The following AKAP19 variants were observed in gnomAD, a reference collection of about 807,000 sequenced individuals.
The protein encoded by AKAP19 is small A-kinase anchoring protein.
the AKAP19 span, among the ~76,000 whole-genome samples, chr2:189,918,901 TA>T: frequency 6.6e-6 from 1 of 152,192 alleles, no homozygotes; most frequent in Non-Finnish European, 1.5e-5. Flanking sequence ...AACCCAGGTA[TA>T]AATATCACAA....
chr2:190,084,094 T>TTG, the AKAP19 span, among the ~76,000 whole-genome samples: 3 of 149,982 alleles, frequency 2.0e-5, no homozygotes, highest in East Asian at 1.9e-4. Flanking sequence ...GCTCAGGTTT[T>TTG]TTTTTTTTTT....
chr2:190,045,213 C>T, the AKAP19 span, among the ~76,000 whole-genome samples: 1 of 152,294 alleles, frequency 6.6e-6, no homozygotes, highest in Non-Finnish European at 1.5e-5. Context: ...GATCTGGACC[C>T]GCTTAAAGAA....
chr2:190,075,082 G>A, the AKAP19 span, among the ~76,000 whole-genome samples: 1 of 152,074 alleles, frequency 6.6e-6, no homozygotes, highest in African/African-American at 2.4e-5. Context: ...ATTCCAACAT[G>A]GCAAAGAAAA....
At chr2:190,136,066 T>C in the AKAP19 span, among the ~76,000 whole-genome samples, 1 of 152,190 alleles carries the variant, frequency 6.6e-6, no homozygotes, top group Non-Finnish European at 1.5e-5. Flanking sequence ...TTATTTGGTG[T>C]CTTCCTTCTA....
the AKAP19 span, among the ~76,000 whole-genome samples, chr2:190,098,809 T>G: frequency 1.3e-5 from 2 of 152,232 alleles, no homozygotes; most frequent in Non-Finnish European, 2.9e-5. Flanking sequence ...TGGCTAGATC[T>G]TCTGGCTAAC....
At chr2:190,178,004 TG>T in the AKAP19 span, among the ~76,000 whole-genome samples, 3 of 152,190 alleles carry the variant, frequency 2.0e-5, no homozygotes, top group African/African-American at 7.2e-5. This position sits in a 1 kb window ranked among gnomAD's most constrained non-coding sequence, Gnocchi z 6.3. Flanking sequence ...AGGCCATCGC[TG>T]GGTCCTTCGT....
chr2:190,060,224 G>A, the AKAP19 span: 1 of 1,613,100 alleles, frequency 6.2e-7, no homozygotes, highest in Non-Finnish European at 8.5e-7. Context: ...CTGGGTTCAT[G>A]TCAAGTTTCA....
At chr2:190,117,247 G>T in the AKAP19 span, among the ~76,000 whole-genome samples, 1 of 152,154 alleles carries the variant, frequency 6.6e-6, no homozygotes, top group Non-Finnish European at 1.5e-5. Context: ...AAGGCCTTGT[G>T]CAAGTAAGAA....
chr2:190,191,603 TGA>T, the AKAP19 span, among the ~76,000 whole-genome samples: 17 of 152,204 alleles, frequency 1.1e-4, no homozygotes, highest in Non-Finnish European at 2.9e-5. Flanking sequence ...CAGCAATGTA[TGA>T]GAGTGCAGTT....
At chr2:190,158,678 C>T in the AKAP19 span, among the ~76,000 whole-genome samples, 1 of 152,096 alleles carries the variant, frequency 6.6e-6, no homozygotes, top group Non-Finnish European at 1.5e-5. Context: ...ATCATCTTGG[C>T]ATTATGCAGA....
At chr2:190,077,220 T>C in the AKAP19 span, among the ~76,000 whole-genome samples, 1 of 151,938 alleles carries the variant, frequency 6.6e-6, no homozygotes, top group Non-Finnish European at 1.5e-5. Flanking sequence ...CCATTATCTA[T>C]GTCTTTTTTT....
the AKAP19 span, among the ~76,000 whole-genome samples, chr2:189,968,391 C>A: frequency 1.3e-5 from 2 of 152,074 alleles, no homozygotes; most frequent in Non-Finnish European, 2.9e-5. Flanking sequence ...GCAAGTACGA[C>A]TATGCCTGGC....
the AKAP19 span, among the ~76,000 whole-genome samples, chr2:190,038,941 T>TTCTTCTTCTTCTTCTTCC: frequency 7.6e-5 from 11 of 143,984 alleles, no homozygotes; most frequent in African/African-American, 3.1e-4. Context: ...CTTCTTCTTC[T>TTCTTCTTCTTCTTCTTCC]TCTTCTTCTT....
chr2:190,200,109 G>A, the AKAP19 span: 2 of 1,614,056 alleles, frequency 1.2e-6, no homozygotes, highest in East Asian at 2.2e-5. Context: ...ATAACATCAA[G>A]TACCATGACA....
chr2:189,942,185 C>G, the AKAP19 span, among the ~76,000 whole-genome samples: 1 of 152,128 alleles, frequency 6.6e-6, no homozygotes, highest in Non-Finnish European at 1.5e-5. Context: ...ATCATGGGTG[C>G]AGATCCCTCA....
the AKAP19 span, among the ~76,000 whole-genome samples, chr2:189,908,760 T>A: frequency 1.3e-5 from 2 of 152,120 alleles, no homozygotes; most frequent in Non-Finnish European, 2.9e-5. Flanking sequence ...GATAAAACTT[T>A]TGTTGTGGCC....
At chr2:190,023,795 G>GTA in the AKAP19 span, among the ~76,000 whole-genome samples, 834 of 142,806 alleles carry the variant, frequency 5.8e-3, 3 homozygotes, top group African/African-American at 0.019. Context: ...ATGTGTGTGT[G>GTA]TATATATATA....
chr2:189,923,891 G>A, the AKAP19 span: 2 of 1,611,374 alleles, frequency 1.2e-6, no homozygotes, highest in Non-Finnish European at 1.7e-6. Flanking sequence ...CATTAAGAGG[G>A]AGCTGACCCA....
chr2:189,920,843 C>T, the AKAP19 span, among the ~76,000 whole-genome samples: 2 of 152,170 alleles, frequency 1.3e-5, no homozygotes, highest in East Asian at 1.9e-4. Flanking sequence ...CCCTGTCTTC[C>T]GGTACTTGAT....
Sources: gnomAD v4.1 joint callset for allele counts (sites outside exome capture counted in the v4.1 genomes callset) on GRCh38, gnomAD v4.1.1 for gene constraint, Gnocchi (gnomAD v3.1) non-coding constraint, MANE v1.5 for transcripts, NCBI Gene and HGNC (gene_info 2026-07-23, HGNC 2026-07-21) for gene names.